The following WWOX variants were observed in gnomAD, a reference collection of about 807,000 sequenced individuals.
The protein encoded by WWOX is WW domain containing oxidoreductase.
Under a neutral mutation model 46.2 loss-of-function variants are expected in WWOX, and 69 were observed. That is an observed-to-expected ratio of 1.49 (90% CI 1.23 to 1.82). The LOEUF is 1.82. Ranked by LOEUF, WWOX falls within the 40% of genes most tolerant of loss-of-function variation. WWOX has a pLI of 0.00. For missense variants in WWOX, 919 were observed against 542.6 expected, an observed-to-expected ratio of 1.69 and a Z score of -6.89; for synonymous variants, 359 against 202.6, an observed-to-expected ratio of 1.77 and a Z score of -6.56.
chr16:79,129,988 T>G (rs1191921845), intron 8 of WWOX, among the ~76,000 whole-genome samples: 1 of 152,216 alleles, frequency 6.6e-6, no homozygotes, highest in African/African-American at 2.4e-5. Flanking sequence ...AAAATAGAGG[T>G]AATAAAAACA....
At chr16:79,177,629 T>C (rs2050827145) in intron 8 of WWOX, among the ~76,000 whole-genome samples, 1 of 152,186 alleles carries the variant, frequency 6.6e-6, no homozygotes, top group Admixed American at 6.5e-5. Flanking sequence ...GAAAACCCAC[T>C]TTATTTGGAC....
At chr16:78,757,657 A>G (rs1429636976) in intron 8 of WWOX, among the ~76,000 whole-genome samples, 1 of 151,920 alleles carries the variant, frequency 6.6e-6, no homozygotes, top group Non-Finnish European at 1.5e-5. Context: ...ATTTATTTAT[A>G]TAAATACATT....
chr16:79,080,600 G>A (rs1345497476), intron 8 of WWOX, among the ~76,000 whole-genome samples: 1 of 152,186 alleles, frequency 6.6e-6, no homozygotes, highest in Non-Finnish European at 1.5e-5. Flanking sequence ...TCCTGGATTT[G>A]GATGGACTCA....
At chr16:78,301,817 A>G (rs1283836034) in intron 5 of WWOX, among the ~76,000 whole-genome samples, 1 of 152,194 alleles carries the variant, frequency 6.6e-6, no homozygotes, top group Non-Finnish European at 1.5e-5. Context: ...TACGTTACCT[A>G]GGGTTAGGAC....
intron 8 of WWOX, among the ~76,000 whole-genome samples, chr16:79,064,157 A>C (rs2048402236): frequency 1.3e-5 from 2 of 152,208 alleles, no homozygotes; most frequent in Admixed American, 1.3e-4. Context: ...ATCACAGGCA[A>C]AATGTGGGTT....
At chr16:78,619,595 C>T (rs954727267) in intron 8 of WWOX, among the ~76,000 whole-genome samples, 1 of 151,608 alleles carries the variant, frequency 6.6e-6, no homozygotes, top group Non-Finnish European at 1.5e-5. Flanking sequence ...TAAATGGAGG[C>T]AATAGTGATA....
chr16:78,107,578 G>A (rs545981297), intron 1 of WWOX, among the ~76,000 whole-genome samples: 348 of 152,114 alleles, frequency 2.3e-3, no homozygotes, highest in Non-Finnish European at 2.1e-3. Flanking sequence ...ACAGCTAGAT[G>A]CCCTATGGGA....
At chr16:78,636,475 C>G (rs751938568) in intron 8 of WWOX, among the ~76,000 whole-genome samples, 1 of 152,178 alleles carries the variant, frequency 6.6e-6, no homozygotes, top group African/African-American at 2.4e-5. Flanking sequence ...TAAACTGATA[C>G]TGACTTAATG....
chr16:78,632,751 T>G (rs956273672), intron 8 of WWOX, among the ~76,000 whole-genome samples: 1 of 151,574 alleles, frequency 6.6e-6, no homozygotes, highest in Non-Finnish European at 1.5e-5. Flanking sequence ...AGAGTTGGGA[T>G]TTCTCCATGT....
chr16:78,187,579 G>T (rs772296418), intron 5 of WWOX, among the ~76,000 whole-genome samples: 2 of 152,140 alleles, frequency 1.3e-5, no homozygotes, highest in South Asian at 4.1e-4. Flanking sequence ...CTCCAGCCTG[G>T]TCCACACACA....
intron 5 of WWOX, among the ~76,000 whole-genome samples, chr16:78,316,775 T>C (rs572122752): frequency 1.4e-4 from 22 of 152,338 alleles, no homozygotes; most frequent in African/African-American, 4.1e-4. Context: ...TGCTTTCTTA[T>C]GTTCCATCAC....
chr16:78,752,938 C>T (rs2049522480), intron 8 of WWOX, among the ~76,000 whole-genome samples: 3 of 152,176 alleles, frequency 2.0e-5, no homozygotes, highest in African/African-American at 2.4e-5. Flanking sequence ...GCTTAAATAT[C>T]AGTGGGGATA....
chr16:79,025,691 C>G (rs542085584), intron 8 of WWOX, among the ~76,000 whole-genome samples: 1 of 152,278 alleles, frequency 6.6e-6, no homozygotes, highest in African/African-American at 2.4e-5. Context: ...AGCTACCACA[C>G]AGATGCAGGA....
intron 6 of WWOX, among the ~76,000 whole-genome samples, chr16:78,393,358 C>T (rs908849962): frequency 1.3e-5 from 2 of 152,072 alleles, no homozygotes; most frequent in South Asian, 2.1e-4. Context: ...ACTTTTTCTT[C>T]TTCAAAAAAT....
intron 8 of WWOX, among the ~76,000 whole-genome samples, chr16:78,517,811 T>C (rs1293231794): frequency 1.3e-5 from 2 of 149,720 alleles, no homozygotes; most frequent in African/African-American, 2.5e-5. Flanking sequence ...TGTCGTTTTA[T>C]ATAACAAGAA....
intron 8 of WWOX, among the ~76,000 whole-genome samples, chr16:78,955,751 A>C (rs757375100): frequency 3.3e-5 from 5 of 151,586 alleles, no homozygotes; most frequent in African/African-American, 9.7e-5. Context: ...AAACTCAAGC[A>C]GTTCTCCTGC....
chr16:79,114,378 A>G (rs1369298308), intron 8 of WWOX, among the ~76,000 whole-genome samples: 4 of 151,066 alleles, frequency 2.6e-5, no homozygotes, highest in Non-Finnish European at 5.9e-5. Context: ...ACGTGTGTGC[A>G]CACATATCTA....
intron 8 of WWOX, among the ~76,000 whole-genome samples, chr16:78,457,375 A>G (rs1038063111): frequency 6.6e-6 from 1 of 152,214 alleles, no homozygotes; most frequent in African/African-American, 2.4e-5. Context: ...GACTAAGTAC[A>G]GGTCTTTAGA....
chr16:78,788,997 T>G (rs1704248847), intron 8 of WWOX, among the ~76,000 whole-genome samples: 1 of 152,248 alleles, frequency 6.6e-6, no homozygotes, highest in Non-Finnish European at 1.5e-5. Flanking sequence ...TGCAAACATT[T>G]TCTCTCATTC....
Sources: allele counts gnomAD v4.1 joint callset (sites outside exome capture counted in the v4.1 genomes callset), GRCh38; gene constraint gnomAD v4.1.1; transcripts MANE v1.5; gene names NCBI Gene and HGNC (gene_info 2026-07-23, HGNC 2026-07-21).